Variants in MYH14 observed in about 807,000 individuals in gnomAD.
MYH14 encodes myosin heavy chain 14.
In MYH14, 123 loss-of-function variants were observed where a neutral mutation model predicts 255.5. The ratio of observed to expected loss-of-function variants is 0.48; its 90% confidence interval spans 0.42 to 0.56. The LOEUF (loss-of-function observed/expected upper bound fraction) is 0.56. Among genes scored for constraint, MYH14 ranks in the 20% least tolerant of loss-of-function variants. The probability of loss-of-function intolerance (pLI) is 0.00; values close to 1 mark genes in which losing one functional copy is unlikely to be tolerated. For missense variants in MYH14, 2,423 were observed against 2,802.3 expected (o/e 0.86, Z 3.06); for synonymous variants, 1,095 against 1,161.2 (o/e 0.94, Z 1.16).
chr19:50,271,849 G>A lies in MYH14; in HGVS notation c.3172G>A (p.Glu1058Lys). The change falls in exon 26 of 43, where the codon GAG becomes AAG. Residue 1058 changes from glutamate (E) to lysine (K), a missense_variant and splice_region_variant. By Grantham distance (56) the Glu-to-Lys change is moderately conservative. This residue lies in a region of MYH14 where 1,513 missense variants were observed against 1,674.8 expected (regional missense o/e 0.90). Coordinates refer to ENST00000642316, the MANE Select transcript of MYH14 (RefSeq NM_001145809.2). ...LEDQNSKLSK[E>K]RKLLEDRLAE... ...CCCCCCATCCCACTCCACCCCTCAGGAGCGGAAGCTGCTGGAAGATCGTCT... is the reference window on the plus strand; with the variant it reads ...CCCCCCATCCCACTCCACCCCTCAGAAGCGGAAGCTGCTGGAAGATCGTCT... The A allele has an allele frequency of 6.2e-7, 1 of 1,613,196 alleles. No homozygotes were observed. Among genetic ancestry groups the A allele is most frequent in the East Asian group, 2.2e-5 (1 of 44,870 alleles).
chr19:50,230,496 C>A lies in MYH14; in HGVS notation c.875-29C>A. 6.5e-7 allele frequency: 1 copy of A among 1,547,014 alleles called. No homozygotes were observed. Among genetic ancestry groups the A allele is most frequent in the Non-Finnish European group, 8.7e-7 (1 of 1,143,496 alleles). On this transcript the variant is annotated intron_variant, in intron 8 of 42. Transcript: ENST00000642316. This position sits in a 1 kb window ranked among gnomAD's most constrained non-coding sequence, Gnocchi z 4.7. ...TGGCAGCGTCGGGGCCGTCCCTTCC[C>A]CTCTAGCACCTTGACTCGCTGTGTC...
chr19:50,208,946 G>A (rs2031994122), intron 1 of MYH14, among the ~76,000 whole-genome samples: 1 of 152,016 alleles, frequency 6.6e-6, no homozygotes, highest in African/African-American at 2.4e-5. Flanking sequence ...TTGAGCCCAG[G>A]AGTTTGAGAC....
At chr19:50,240,298 C>T (rs186770725) in intron 10 of MYH14, among the ~76,000 whole-genome samples, 44 of 152,254 alleles carry the variant, frequency 2.9e-4, no homozygotes, top group African/African-American at 9.9e-4. Flanking sequence ...ACCTATGCTA[C>T]GCCGGCACGG....
rs534929922 is a variant in MYH14 at position 50,269,601 on chromosome 19, C to T, written c.3033+1234C>T. Among the ~76,000 whole-genome samples, 3 of 152,330 alleles carry T rather than the reference C, an allele frequency of 2.0e-5. 1 individual carries two copies. Among genetic ancestry groups the T allele is most frequent in the African/African-American group, 7.2e-5 (3 of 41,564 alleles). ...CCAGACAGGTGAGGGGGGCCGACAT[C>T]ACACCACAGACGGCCACATGGATGT... On this transcript the variant is annotated intron_variant, in intron 24 of 42. Transcript: ENST00000642316.
At chr19:50,304,200 C>T (rs1443723035) in intron 40 of MYH14, among the ~76,000 whole-genome samples, 1 of 152,204 alleles carries the variant, frequency 6.6e-6, no homozygotes, top group Admixed American at 6.5e-5. Flanking sequence ...TCATCATCTG[C>T]ACATTATCTC....
rs916616231 is a variant in MYH14, at chr19:50,252,173, G to A, written c.1831-466G>A. On this transcript the variant is annotated intron_variant, in intron 15 of 42. Transcript: ENST00000642316. The surrounding 1 kb of genome is among the most constrained non-coding windows in gnomAD (Gnocchi z 4.2). ...ACCTGGGCCCTGCCCTCGGGGGACC[G>A]CTGTCTGGTGGGGGGCACATATGCA... Among the ~76,000 whole-genome samples, 6 of 152,266 alleles carry A rather than the reference G, an allele frequency of 3.9e-5. No homozygotes were observed. Among genetic ancestry groups the A allele is most frequent in the African/African-American group, 1.2e-4 (5 of 41,538 alleles).
At chr19:50,271,574 G>A (rs1022331422) in intron 25 of MYH14, 28 bp downstream of exon 25, 10 of 1,595,186 alleles carry the variant, frequency 6.3e-6, no homozygotes, top group Non-Finnish European at 8.5e-6. Flanking sequence ...AGCTGGGAAA[G>A]TGGGGATGGG....
At chr19:50,279,670 C>T (rs2035639653) in intron 30 of MYH14, among the ~76,000 whole-genome samples, 1 of 152,222 alleles carries the variant, frequency 6.6e-6, no homozygotes, top group Non-Finnish European at 1.5e-5. Flanking sequence ...GCAATAGATC[C>T]ATATACCTTT....
chr19:50,224,754 A>G (rs1295784812), intron 6 of MYH14: 1 of 455,974 alleles, frequency 2.2e-6, no homozygotes, highest in East Asian at 6.9e-5. Context: ...TTGAAGGCCT[A>G]TTATATGCCA....
Position 50,252,773 on chromosome 19 carries a change from A to G in MYH14, c.1945+20A>G. ...AAGACGGTGAGGACCCACTTCCCCC[A>G]CCCCGGCTCTAGGGGTCTGTGCGGC... On this transcript the variant is annotated intron_variant, in intron 16 of 42. Coordinates refer to ENST00000642316, the MANE Select transcript of MYH14 (RefSeq NM_001145809.2). The surrounding 1 kb of genome is among the most constrained non-coding windows in gnomAD (Gnocchi z 4.2). 6.6e-7 allele frequency: 1 copy of G among 1,525,178 alleles called. No homozygotes were observed. The allele number at this position is 1,525,178 out of a possible 1,614,324, so 94.5% of individuals were successfully genotyped here.
chr19:50,222,698 G>A (rs1201052552), intron 3 of MYH14, among the ~76,000 whole-genome samples: 1 of 152,080 alleles, frequency 6.6e-6, no homozygotes. Flanking sequence ...TAGGCCCAGG[G>A]CAGGCGCTGG....
At chr19:50,263,040 AAATAC>A (rs1018895867) in intron 21 of MYH14, among the ~76,000 whole-genome samples, 1 of 152,014 alleles carries the variant, frequency 6.6e-6, no homozygotes, top group African/African-American at 2.4e-5. Flanking sequence ...TCTCTACTAA[AAATAC>A]AAAAATTAGC....
In MYH14 at chr19:50,230,232, G is replaced by A. The variant is rs1177121727; in HGVS notation, c.875-293G>A. Among the ~76,000 whole-genome samples, 2 of 152,104 alleles carry A rather than the reference G, an allele frequency of 1.3e-5. No homozygotes were observed. Among genetic ancestry groups the A allele is most frequent in the Admixed American group, 6.5e-5 (1 of 15,268 alleles). ...CCACAGGGTTGATGAGTTTTTTAGA[G>A]ACAGAGCAAGACCCTGTCTCTAAAA... On this transcript the variant is annotated intron_variant, in intron 8 of 42. Coordinates refer to ENST00000642316, the MANE Select transcript of MYH14 (RefSeq NM_001145809.2). This position sits in a 1 kb window ranked among gnomAD's most constrained non-coding sequence, Gnocchi z 4.7.
intron 3 of MYH14, among the ~76,000 whole-genome samples, chr19:50,220,090 C>T (rs961431147): frequency 2.0e-5 from 3 of 151,946 alleles, no homozygotes; most frequent in African/African-American, 7.2e-5. Context: ...TGTAATAGTA[C>T]ACAACATTCA....
chr19:50,308,935 G>T, intron 41 of MYH14, 70 bp from the exon 42 acceptor site: 8 of 1,436,206 alleles, frequency 5.6e-6, no homozygotes, highest in Non-Finnish European at 7.6e-6. Flanking sequence ...GGGCAGTAGT[G>T]GGCTGTTGGA....
At chr19:50,268,046 C>A in intron 23 of MYH14, 115 bp from the exon 24 acceptor site, 1 of 1,345,220 alleles carries the variant, frequency 7.4e-7, no homozygotes, top group Non-Finnish European at 9.9e-7. Context: ...TCCTGCCCCT[C>A]AGTCCTGCCC....
At chr19:50,231,496 C>T (rs1476976725) in intron 9 of MYH14, among the ~76,000 whole-genome samples, 1 of 152,118 alleles carries the variant, frequency 6.6e-6, no homozygotes, top group Non-Finnish European at 1.5e-5. Context: ...TTGCTTGAGC[C>T]CAGGAATTTG....
intron 21 of MYH14, among the ~76,000 whole-genome samples, chr19:50,262,815 A>AG (rs2034935069): frequency 2.0e-5 from 3 of 152,130 alleles, no homozygotes; most frequent in Admixed American, 1.3e-4. Context: ...AGTCGGGAGC[A>AG]GGGGGACGAA....
rs776207667 is a variant in MYH14 at position 50,271,902 on chromosome 19, G to A, written c.3225G>A (p.Glu1075=). Residue 1075 remains glutamate (E), a synonymous_variant, in exon 26 of 43, where the codon GAG becomes GAA. Transcript: ENST00000642316. ...CCGAGTTCTCATCCCAGGCAGCTGAGGAGGAGGAGAAGGTCAAGAGCCTCA... is the reference window on the plus strand; with the variant it reads ...CCGAGTTCTCATCCCAGGCAGCTGAAGAGGAGGAGAAGGTCAAGAGCCTCA... ...RLAEFSSQAA[E]EEEKVKSLNK... 3.3e-5 allele frequency: 53 copies of A among 1,612,696 alleles called. No homozygotes were observed. The Admixed American group carries it at 8.7e-4, about 26-fold the overall frequency.
Sources: gnomAD v4.1 joint callset for allele counts (sites outside exome capture counted in the v4.1 genomes callset) on GRCh38, gnomAD v4.1.1 for gene constraint, gnomAD v4.1.1 regional missense constraint, Gnocchi (gnomAD v3.1) non-coding constraint, MANE v1.5 for transcripts, NCBI Gene and HGNC (gene_info 2026-07-23, HGNC 2026-07-21) for gene names.